Variants in SMYD3 observed in about 807,000 individuals in gnomAD.
SMYD3 encodes the protein SET and MYND domain containing 3, also known as histone-lysine N-methyltransferase SMYD3.
SMYD3 carries 36 observed loss-of-function variants against 57.7 expected under a neutral mutation model. That is an observed-to-expected ratio of 0.62 (90% CI 0.48 to 0.82). The LOEUF (loss-of-function observed/expected upper bound fraction) is 0.82. Among genes scored for constraint, SMYD3 ranks in the 40% least tolerant of loss-of-function variants. The pLI is 0.00. For synonymous variants in SMYD3, 211 were observed against 195.0 expected, an observed-to-expected ratio of 1.08 and a Z score of -0.68; for missense variants, 515 against 538.8, an observed-to-expected ratio of 0.96 and a Z score of 0.44.
chr1:245,869,493 T>C (rs2052057509), intron 8 of SMYD3, among the ~76,000 whole-genome samples: 2 of 152,206 alleles, frequency 1.3e-5, no homozygotes, highest in Non-Finnish European at 2.9e-5. Flanking sequence ...TTTAGCTCCA[T>C]CTCTGGTGAC....
At chr1:246,472,483 C>T (rs2067974286) in intron 1 of SMYD3, among the ~76,000 whole-genome samples, 1 of 152,182 alleles carries the variant, frequency 6.6e-6, no homozygotes, top group South Asian at 2.1e-4. Flanking sequence ...TGGCTCATGA[C>T]TGTAGCCCCA....
At chr1:245,869,949 C>G (rs149508650) in intron 8 of SMYD3, among the ~76,000 whole-genome samples, 2,004 of 152,328 alleles carry the variant, frequency 0.013, 45 homozygotes, top group African/African-American at 0.045. Flanking sequence ...GCCCTCCAGG[C>G]CCCTCTGCAC....
At chr1:246,395,718 A>T (rs1341143359) in intron 1 of SMYD3, among the ~76,000 whole-genome samples, 3 of 35,370 alleles carry the variant, frequency 8.5e-5, no homozygotes, top group Non-Finnish European at 2.5e-4. Flanking sequence ...AGGGAAGACG[A>T]ACACACCAGT....
intron 8 of SMYD3, among the ~76,000 whole-genome samples, chr1:245,893,529 G>A (rs10924378): frequency 0.18 from 27,347 of 151,992 alleles, 3,185 homozygotes; most frequent in East Asian, 0.6. Context: ...CAATAAAAAT[G>A]AACCAACTAT....
intron 5 of SMYD3, among the ~76,000 whole-genome samples, chr1:246,179,377 C>A (rs1572163996): frequency 6.6e-6 from 1 of 152,250 alleles, no homozygotes; most frequent in South Asian, 2.1e-4. Context: ...TCTTGACATA[C>A]AGACTGAAAA....
chr1:245,800,463 T>C (rs2047805650), intron 10 of SMYD3, among the ~76,000 whole-genome samples: 1 of 152,078 alleles, frequency 6.6e-6, no homozygotes, highest in African/African-American at 2.4e-5. Context: ...TAATAGTGCT[T>C]GGCACATAGG....
intron 5 of SMYD3, among the ~76,000 whole-genome samples, chr1:246,027,762 C>A (rs2059602596): frequency 6.6e-6 from 1 of 152,152 alleles, no homozygotes; most frequent in South Asian, 2.1e-4. Flanking sequence ...GTCTTCAGCC[C>A]ATGGATCAAG....
intron 5 of SMYD3, among the ~76,000 whole-genome samples, chr1:246,081,876 T>C (rs1259708634): frequency 6.6e-6 from 1 of 152,220 alleles, no homozygotes; most frequent in African/African-American, 2.4e-5. Context: ...ACCTCATCTC[T>C]ACAAAAAAAC....
chr1:246,266,690 G>A (rs1210613162), intron 5 of SMYD3, among the ~76,000 whole-genome samples: 1 of 152,112 alleles, frequency 6.6e-6, no homozygotes, highest in Non-Finnish European at 1.5e-5. Flanking sequence ...TGCTAGGGAG[G>A]CTGAGGCAGG....
intron 1 of SMYD3, among the ~76,000 whole-genome samples, chr1:246,466,012 TC>T (rs1227406607): frequency 2.0e-5 from 3 of 152,230 alleles, no homozygotes; most frequent in Non-Finnish European, 4.4e-5. Flanking sequence ...CCTCGTGTGA[TC>T]CACCTGCCTT....
intron 5 of SMYD3, among the ~76,000 whole-genome samples, chr1:246,263,683 T>C (rs1174529427): frequency 6.6e-6 from 1 of 152,236 alleles, no homozygotes; most frequent in Non-Finnish European, 1.5e-5. Flanking sequence ...TACTGATTTC[T>C]TTTTGTACAA....
At chr1:245,838,586 T>G (rs990299380) in intron 10 of SMYD3, among the ~76,000 whole-genome samples, 1 of 152,176 alleles carries the variant, frequency 6.6e-6, no homozygotes, top group Non-Finnish European at 1.5e-5. Flanking sequence ...TGCCTAACAT[T>G]TTGTATACCT....
At chr1:245,896,418 C>T (rs2053804032) in intron 8 of SMYD3, among the ~76,000 whole-genome samples, 1 of 123,714 alleles carries the variant, frequency 8.1e-6, no homozygotes, top group South Asian at 2.7e-4. Context: ...AGGCAATGAT[C>T]TCCCTGGACC....
At chr1:246,239,191 G>C (rs891559668) in intron 5 of SMYD3, among the ~76,000 whole-genome samples, 1 of 152,128 alleles carries the variant, frequency 6.6e-6, no homozygotes, top group Admixed American at 6.5e-5. Context: ...TTGGTGTGCT[G>C]CACCCATTAA....
intron 1 of SMYD3, among the ~76,000 whole-genome samples, chr1:246,371,958 G>A (rs2066200086): frequency 1.3e-5 from 2 of 151,314 alleles, no homozygotes; most frequent in Admixed American, 6.6e-5. Flanking sequence ...ACTGTAAATT[G>A]CCTCAAGTCT....
At chr1:246,419,624 C>T (rs2067112811) in intron 1 of SMYD3, among the ~76,000 whole-genome samples, 1 of 152,162 alleles carries the variant, frequency 6.6e-6, no homozygotes, top group Non-Finnish European at 1.5e-5. Flanking sequence ...CCCCCTTCCT[C>T]ATCATTTAAA....
At chr1:246,305,598 T>C (rs934145208) in intron 5 of SMYD3, among the ~76,000 whole-genome samples, 1 of 152,186 alleles carries the variant, frequency 6.6e-6, no homozygotes, top group East Asian at 1.9e-4. Context: ...AAAGGAAATA[T>C]AGCTATTTGA....
chr1:246,364,541 G>A lies in SMYD3; in HGVS notation c.165-9447C>T, dbSNP rs546501348. 3.9e-5 allele frequency among the ~76,000 whole-genome samples: 6 copies of A among 152,326 alleles called. No homozygotes were observed. In the South Asian group the frequency reaches 1.2e-3, roughly 32 times the overall value. ...TTTCAAAAGATAAAAAGTAGATGGA[G>A]TAGTACACACTGCTAAGGCATCACA... On this transcript the variant is annotated intron_variant, in intron 1 of 11. Transcript: ENST00000490107.
intron 8 of SMYD3, among the ~76,000 whole-genome samples, chr1:245,880,021 C>T (rs911013761): frequency 4.0e-5 from 6 of 151,784 alleles, no homozygotes; most frequent in African/African-American, 1.2e-4. Flanking sequence ...TTGCTGTACA[C>T]ACCAGAGATA....
Sources: gnomAD v4.1 joint callset for allele counts (sites outside exome capture counted in the v4.1 genomes callset) on GRCh38, gnomAD v4.1.1 for gene constraint, MANE v1.5 for transcripts, NCBI Gene and HGNC (gene_info 2026-07-23, HGNC 2026-07-21) for gene names.